Variants in ASCC3 observed in about 807,000 individuals in gnomAD.
ASCC3 encodes ASC-1 complex subunit P200.
A neutral mutation model predicts 256.3 loss-of-function variants in ASCC3; 158 were observed. That is an observed-to-expected ratio of 0.62 (90% CI 0.54 to 0.70). The LOEUF is 0.70. Ranked by LOEUF, ASCC3 falls within the 30% of genes least tolerant of loss-of-function variation. The pLI, the probability that ASCC3 is intolerant of heterozygous loss-of-function variation, is 0.00. For synonymous variants in ASCC3, 948 were observed against 883.4 expected, an observed-to-expected ratio of 1.07 and a Z score of -1.30; for missense variants, 2,259 against 2,626.0, an observed-to-expected ratio of 0.86 and a Z score of 3.05.
intron 36 of ASCC3, among the ~76,000 whole-genome samples, chr6:100,549,182 G>A (rs2114680952): frequency 6.6e-6 from 1 of 151,986 alleles, no homozygotes. Context: ...GAGTCCACGA[G>A]ACTGAAAAAT....
At chr6:100,586,300 C>T (rs2114763409) in intron 36 of ASCC3, among the ~76,000 whole-genome samples, 1 of 152,290 alleles carries the variant, frequency 6.6e-6, no homozygotes, top group South Asian at 2.1e-4. Flanking sequence ...GGTGACCCTT[C>T]CCCAGCCTTG....
intron 16 of ASCC3, among the ~76,000 whole-genome samples, chr6:100,656,043 A>C (rs1049018853): frequency 6.6e-6 from 1 of 151,766 alleles, no homozygotes; most frequent in South Asian, 2.1e-4. Flanking sequence ...TCAGAACTGA[A>C]CTTACTCAAT....
intron 8 of ASCC3, among the ~76,000 whole-genome samples, chr6:100,788,591 C>T (rs886256675): frequency 6.0e-5 from 9 of 150,726 alleles, no homozygotes; most frequent in East Asian, 3.9e-4. Context: ...AATTGAAGTA[C>T]GGATACAAAA....
chr6:100,587,772 A>T (rs990916708), intron 36 of ASCC3, among the ~76,000 whole-genome samples: 1 of 152,212 alleles, frequency 6.6e-6, no homozygotes, highest in African/African-American at 2.4e-5. Context: ...AACTGGTTTT[A>T]TATAGTGTAA....
chr6:100,691,180 A>G (rs1452394429), intron 13 of ASCC3, among the ~76,000 whole-genome samples: 2 of 151,998 alleles, frequency 1.3e-5, no homozygotes, highest in Admixed American at 1.3e-4. Context: ...TATAAAAAAT[A>G]TTATCTTACA....
chr6:100,820,576 TA>T (rs368343129), intron 4 of ASCC3, among the ~76,000 whole-genome samples: 2 of 151,238 alleles, frequency 1.3e-5, no homozygotes, highest in Admixed American at 6.6e-5. Context: ...GTAGATATGG[TA>T]AAAAAAAATT....
Position 100,607,018 on chromosome 6 carries a change from T to C in ASCC3, c.4856A>G (p.His1619Arg), listed in dbSNP as rs764151893. The C allele has an allele frequency of 6.2e-7, 1 of 1,613,718 alleles. No individual in the cohort carries two copies. Among genetic ancestry groups the C allele is most frequent in the Non-Finnish European group, 8.5e-7 (1 of 1,179,774 alleles). Residue 1619 changes from histidine (H) to arginine (R), a missense_variant, in exon 31 of 42, where the codon CAT becomes CGT. This residue lies in a region of ASCC3 where 1,839 missense variants were observed against 2,206.7 expected (regional missense o/e 0.83). Coordinates refer to ENST00000369162, the MANE Select transcript of ASCC3 (RefSeq NM_006828.4). ...GTCCCTCTCATGTAGTCCAGCATGATGCATTCCTATCCCGAAAGCAAGGGT... is the reference window on the plus strand; with the variant it reads ...GTCCCTCTCATGTAGTCCAGCATGACGCATTCCTATCCCGAAAGCAAGGGT... The part of the protein sequence containing the change: ...KLTLAFGIGM[H>R]HAGLHERDRK...
intron 13 of ASCC3, among the ~76,000 whole-genome samples, chr6:100,710,117 C>T (rs890388029): frequency 7.9e-5 from 12 of 152,118 alleles, no homozygotes; most frequent in African/African-American, 1.9e-4. Flanking sequence ...AATCTGGACA[C>T]GATCTCAGAT....
intron 9 of ASCC3, 147 bp from the exon 10 acceptor site, chr6:100,766,852 T>A: frequency 9.8e-7 from 1 of 1,020,142 alleles, no homozygotes; most frequent in Non-Finnish European, 1.4e-6. Context: ...ATTAAAAGTC[T>A]TATCTTTGTG....
chr6:100,717,412 A>G (rs1456149229), intron 12 of ASCC3, among the ~76,000 whole-genome samples: 1 of 151,980 alleles, frequency 6.6e-6, no homozygotes, highest in Non-Finnish European at 1.5e-5. Flanking sequence ...CTACACAAAA[A>G]ATAGGTGTTG....
intron 8 of ASCC3, among the ~76,000 whole-genome samples, chr6:100,767,789 T>G (rs1033619559): frequency 9.3e-5 from 14 of 151,114 alleles, no homozygotes; most frequent in African/African-American, 3.4e-4. Flanking sequence ...TTTTTTTTTT[T>G]GTATATTTAG....
intron 14 of ASCC3, among the ~76,000 whole-genome samples, chr6:100,663,396 C>A (rs1347246299): frequency 6.6e-6 from 1 of 152,088 alleles, no homozygotes; most frequent in Non-Finnish European, 1.5e-5. Flanking sequence ...CCTATTCCAT[C>A]CAGCCCAGAA....
intron 11 of ASCC3, among the ~76,000 whole-genome samples, chr6:100,724,110 G>A (rs1489630891): frequency 1.4e-5 from 2 of 139,592 alleles, no homozygotes; most frequent in Admixed American, 1.5e-4. Context: ...GAACAGGGAA[G>A]AAGCAAGGAA....
At chr6:100,817,915 T>G (rs1277543482) in intron 4 of ASCC3, among the ~76,000 whole-genome samples, 2 of 152,172 alleles carry the variant, frequency 1.3e-5, no homozygotes, top group Non-Finnish European at 2.9e-5. Context: ...TTTAGGACAG[T>G]ATTACTCTGA....
intron 4 of ASCC3, among the ~76,000 whole-genome samples, chr6:100,811,745 T>C (rs565553550): frequency 5.9e-5 from 9 of 152,202 alleles, no homozygotes; most frequent in Admixed American, 5.2e-4. Flanking sequence ...AAGATTGTGG[T>C]GAACAACAAC....
At position 100,699,902 on chromosome 6, in the gene ASCC3, GAAGT is replaced by G. The variant is rs1415016260; in HGVS notation, c.2151+15556_2151+15559del. Among the ~76,000 whole-genome samples the G allele has an allele frequency of 2.0e-5, 3 of 152,298 alleles. No homozygotes were observed. In the East Asian group the frequency reaches 5.8e-4, roughly 29 times the overall value. ...AATTTCTAAGCAGCAAAACATTCGA[GAAGT>G]AACTTGGGTGCTGTTAAAAGCATTC... On this transcript the variant is annotated intron_variant, in intron 13 of 41. Transcript: ENST00000369162.
chr6:100,811,821 A>T (rs995991113), intron 4 of ASCC3, among the ~76,000 whole-genome samples: 1 of 152,176 alleles, frequency 6.6e-6, no homozygotes, highest in East Asian at 1.9e-4. Flanking sequence ...TAAAGAGACA[A>T]CAGAGAGGAG....
chr6:100,872,669 T>C (rs1773803188), intron 1 of ASCC3, among the ~76,000 whole-genome samples: 1 of 152,168 alleles, frequency 6.6e-6, no homozygotes, highest in Admixed American at 6.5e-5. Context: ...AATACTGTGC[T>C]GGTATCCATG....
intron 4 of ASCC3, among the ~76,000 whole-genome samples, chr6:100,808,392 C>T (rs1403491487): frequency 6.6e-6 from 1 of 151,808 alleles, no homozygotes; most frequent in African/African-American, 2.4e-5. Context: ...GAAACTACTG[C>T]TTGTCAAGTT....
Sources: allele counts gnomAD v4.1 joint callset (sites outside exome capture counted in the v4.1 genomes callset), GRCh38; gene constraint gnomAD v4.1.1; regional missense constraint gnomAD v4.1.1; transcripts MANE v1.5; gene names NCBI Gene and HGNC (gene_info 2026-07-23, HGNC 2026-07-21).